TET3: variants seen among roughly 807,000 people sequenced by gnomAD.
TET3 encodes the protein tet methylcytosine dioxygenase 3.
In TET3, 19 loss-of-function variants were observed where a neutral mutation model predicts 141.4. The ratio of observed to expected loss-of-function variants is 0.13; its 90% CI spans 0.09 to 0.20. The LOEUF (loss-of-function observed/expected upper bound fraction) is 0.20. TET3 is among the 10% of genes least tolerant of loss of function. The probability of loss-of-function intolerance (pLI) is 1.00; values close to 1 mark genes in which losing one functional copy is unlikely to be tolerated. For synonymous variants in TET3, 1,043 were observed against 980.9 expected (o/e 1.06, Z -1.18); for missense variants, 1,874 against 2,356.9 (o/e 0.80, Z 4.24).
chr2:74,099,217 T>C, intron 10 of TET3, 59 bp from the exon 11 acceptor site: 1 of 1,468,222 alleles, frequency 6.8e-7, no homozygotes. Flanking sequence ...CTCAGACCCC[T>C]CTCTCCCAGC....
At chr2:74,055,823 T>C (rs1688185885) in intron 4 of TET3, among the ~76,000 whole-genome samples, 1 of 152,102 alleles carries the variant, frequency 6.6e-6, no homozygotes, top group Admixed American at 6.5e-5. Context: ...GTAGCTCTAT[T>C]CAGAAAGGGA....
intron 4 of TET3, among the ~76,000 whole-genome samples, chr2:74,061,471 AC>A (rs570376590): frequency 3.3e-5 from 4 of 120,668 alleles, no homozygotes; most frequent in Admixed American, 2.5e-4. Context: ...CGGGGGACTG[AC>A]CCCCCCACCT....
chr2:74,102,286 C>G lies in TET3; in HGVS notation c.*110C>G. ...TGGGGGTGCAGAAGTCTTTTTATCT[C>G]TATATACATATATAGATGCGCATAT... On this transcript the variant is annotated 3_prime_UTR_variant, in exon 12 of 12. Coordinates refer to ENST00000409262, the MANE Select transcript of TET3 (RefSeq NM_001287491.2). 7.6e-7 allele frequency: 1 copy of G among 1,323,160 alleles called. No individual in the cohort carries two copies. Among genetic ancestry groups the G allele is most frequent in the Non-Finnish European group, 9.6e-7 (1 of 1,036,400 alleles). The allele number at this position is 1,323,160 out of a possible 1,614,324, so 82.0% of individuals were successfully genotyped here.
chr2:74,084,809 C>T (rs1260520908), intron 6 of TET3, among the ~76,000 whole-genome samples: 3 of 152,026 alleles, frequency 2.0e-5, no homozygotes, highest in Admixed American at 6.6e-5. Flanking sequence ...TGGTAGCATG[C>T]GCCTGTAGTC....
At chr2:74,011,091 G>A (rs1342025430) in intron 3 of TET3, among the ~76,000 whole-genome samples, 1 of 151,906 alleles carries the variant, frequency 6.6e-6, no homozygotes, top group Non-Finnish European at 1.5e-5. Flanking sequence ...ATCTGGGTGC[G>A]GTGGTGGGTG....
At chr2:74,096,111 G>T (rs1690810353) in intron 10 of TET3, among the ~76,000 whole-genome samples, 1 of 152,002 alleles carries the variant, frequency 6.6e-6, no homozygotes, top group African/African-American at 2.4e-5. Context: ...TTTGATATTT[G>T]TAAAGTATCT....
chr2:74,089,724 C>G (rs1466176121), intron 7 of TET3, among the ~76,000 whole-genome samples, 173 bp from the exon 8 acceptor site: 1 of 152,210 alleles, frequency 6.6e-6, no homozygotes, highest in Non-Finnish European at 1.5e-5. Flanking sequence ...TTAGATCTGG[C>G]TTCCTACTCA....
chr2:74,114,853 C>CAAAAAAAAAAAAAAAAAAAAAAAAAAAAA, the TET3 span, among the ~76,000 whole-genome samples: 2 of 43,880 alleles, frequency 4.6e-5, no homozygotes, highest in African/African-American at 2.2e-4. Flanking sequence ...GACTCTGTCT[C>CAAAAAAAAAAAAAAAAAAAAAAAAAAAAA]AAAAAAAAAA....
At position 74,030,957 on chromosome 2, in the gene TET3, G is replaced by A. The variant is rs115129993; in HGVS notation, c.361-15321G>A. ...GATGCCCAGGGGAATGGATCTTAAC[G>A]TGATTTTTTTTTGTAAAGGGATGTC... On this transcript the variant is annotated intron_variant, in intron 3 of 11. Transcript: ENST00000409262. Among the ~76,000 whole-genome samples the A allele has an allele frequency of 9.3e-3, 1,417 of 152,194 alleles. 6 individuals carry two copies. Among genetic ancestry groups the A allele is most frequent in the Middle Eastern group, 0.024 (7 of 294 alleles).
intron 2 of TET3, among the ~76,000 whole-genome samples, chr2:73,988,159 G>A (rs372318152): frequency 3.9e-4 from 60 of 152,274 alleles, no homozygotes; most frequent in African/African-American, 1.3e-3. Context: ...GGTAGTTATC[G>A]TCCTGCTGGC....
intron 7 of TET3, among the ~76,000 whole-genome samples, chr2:74,089,337 G>A (rs757550582): frequency 9.2e-5 from 14 of 152,130 alleles, no homozygotes; most frequent in Middle Eastern, 3.2e-3. Flanking sequence ...TCAGTAGCTC[G>A]TTCCTTTTTA....
intron 3 of TET3, among the ~76,000 whole-genome samples, chr2:74,011,455 G>C (rs1341825940): frequency 6.6e-6 from 1 of 152,224 alleles, no homozygotes; most frequent in Admixed American, 6.5e-5. Context: ...TTTGGGCCTA[G>C]AGGGCTTCAG....
At chr2:74,019,473 A>G (rs961001045) in intron 3 of TET3, among the ~76,000 whole-genome samples, 2 of 152,050 alleles carry the variant, frequency 1.3e-5, no homozygotes, top group African/African-American at 4.8e-5. Flanking sequence ...TTCTCCCTCA[A>G]GTCCTCATGG....
At chr2:74,114,675 A>T in the TET3 span, among the ~76,000 whole-genome samples, 2 of 151,688 alleles carry the variant, frequency 1.3e-5, no homozygotes, top group Non-Finnish European at 2.9e-5. Context: ...AACATGGTGA[A>T]ACCCCCGTCT....
intron 4 of TET3, among the ~76,000 whole-genome samples, chr2:74,064,970 C>T (rs945269763): frequency 1.3e-5 from 2 of 152,120 alleles, no homozygotes; most frequent in South Asian, 2.1e-4. Context: ...AGTTAGTGCC[C>T]CAACCTCCAT....
intron 3 of TET3, among the ~76,000 whole-genome samples, chr2:74,010,643 A>G (rs1476319788): frequency 6.6e-6 from 1 of 152,218 alleles, no homozygotes. Context: ...GCATTTTTCA[A>G]AGCTCCCCAG....
At chr2:73,987,048 C>T (rs1684065128) in intron 2 of TET3, among the ~76,000 whole-genome samples, 2 of 152,126 alleles carry the variant, frequency 1.3e-5, no homozygotes, top group African/African-American at 4.8e-5. Flanking sequence ...GCTTGGATGA[C>T]TTGGTCAGTG....
chr2:74,096,284 A>AC (rs1315744937), intron 10 of TET3, among the ~76,000 whole-genome samples: 2 of 152,208 alleles, frequency 1.3e-5, no homozygotes, highest in East Asian at 3.8e-4. Flanking sequence ...GAAGTCGTAG[A>AC]CCCACACATA....
intron 4 of TET3, among the ~76,000 whole-genome samples, chr2:74,065,827 C>T (rs1027359717): frequency 1.3e-5 from 2 of 151,676 alleles, no homozygotes; most frequent in Admixed American, 6.6e-5. Context: ...GGTGCGACCT[C>T]AGCTCACTGC....
Sources: allele counts gnomAD v4.1 joint callset (sites outside exome capture counted in the v4.1 genomes callset), GRCh38; gene constraint gnomAD v4.1.1; transcripts MANE v1.5; gene names NCBI Gene and HGNC (gene_info 2026-07-23, HGNC 2026-07-21).